DPYD: variants seen among roughly 807,000 people sequenced by gnomAD.
DPYD encodes dihydropyrimidine dehydrogenase, also known as dihydropyrimidine dehydrogenase [NADP(+)].
Under a neutral mutation model 116.2 loss-of-function variants are expected in DPYD, and 109 were observed. That is an observed-to-expected ratio of 0.94 (90% CI 0.80 to 1.10). The LOEUF (loss-of-function observed/expected upper bound fraction) is 1.10, where lower values mean the gene tolerates loss of function less well. Ranked by LOEUF, DPYD falls within the 50% of genes least tolerant of loss-of-function variation. The pLI is 0.00. For missense variants in DPYD, 1,302 were observed against 1,254.5 expected (o/e 1.04, Z -0.57); for synonymous variants, 440 against 432.0 (o/e 1.02, Z -0.23).
intron 3 of DPYD, among the ~76,000 whole-genome samples, chr1:97,807,502 T>TCA: frequency 6.6e-6 from 1 of 152,250 alleles, no homozygotes; most frequent in South Asian, 2.1e-4. Flanking sequence ...TTCTTATTGT[T>TCA]GGATTTTAGT....
chr1:97,638,260 GCA>G (rs1657682833), intron 8 of DPYD, among the ~76,000 whole-genome samples: 1 of 152,076 alleles, frequency 6.6e-6, no homozygotes, highest in Non-Finnish European at 1.5e-5. Flanking sequence ...GTCAAGAGAG[GCA>G]CACAGACATA....
At chr1:97,837,217 T>C (rs1367050869) in intron 2 of DPYD, among the ~76,000 whole-genome samples, 1 of 152,160 alleles carries the variant, frequency 6.6e-6, no homozygotes, top group Non-Finnish European at 1.5e-5. Context: ...CTTTGGCATG[T>C]AATCCTCTTT....
chr1:97,339,900 A>C (rs1255810744), intron 16 of DPYD, among the ~76,000 whole-genome samples: 2 of 152,180 alleles, frequency 1.3e-5, no homozygotes, highest in African/African-American at 4.8e-5. Flanking sequence ...AGGAAGAGGA[A>C]GTAAGGTAGA....
intron 16 of DPYD, among the ~76,000 whole-genome samples, chr1:97,313,828 C>T (rs10783059): frequency 0.62 from 94,557 of 151,664 alleles, 30,094 homozygotes; most frequent in Middle Eastern, 0.78. Context: ...CTTCTCTGTT[C>T]CATAATCAAT....
chr1:97,304,867 G>A (rs982212653), intron 18 of DPYD, among the ~76,000 whole-genome samples: 8 of 151,938 alleles, frequency 5.3e-5, no homozygotes, highest in African/African-American at 1.9e-4. Flanking sequence ...TTTGAAGAAG[G>A]TAGATGTCTA....
At chr1:97,111,366 C>T (rs1399291) in intron 20 of DPYD, among the ~76,000 whole-genome samples, 66,521 of 151,816 alleles carry the variant, frequency 0.44, 16,373 homozygotes, top group East Asian at 0.97. Context: ...TGGCCCCTGC[C>T]CACCTCTTCA....
chr1:97,469,760 T>C (rs1489701900), intron 13 of DPYD, among the ~76,000 whole-genome samples: 1 of 152,226 alleles, frequency 6.6e-6, no homozygotes, highest in Non-Finnish European at 1.5e-5. Context: ...AAAGTAATCT[T>C]ATTTTTTTAA....
At chr1:97,106,732 T>C (rs1651184384) in intron 20 of DPYD, among the ~76,000 whole-genome samples, 1 of 152,100 alleles carries the variant, frequency 6.6e-6, no homozygotes, top group Admixed American at 6.6e-5. Flanking sequence ...ACTACAAGCT[T>C]TCCTTGTTCT....
rs75188345 is a variant in DPYD at position 97,131,744 on chromosome 1, C to T, written c.2623-33112G>A. Among the ~76,000 whole-genome samples, 1,148 of 151,856 alleles carry T rather than the reference C, an allele frequency of 7.6e-3. 9 individuals are homozygous for T. The highest frequency in any genetic ancestry group is 0.012 in the Non-Finnish European group (836 of 67,942). The stretch of plus-strand genomic sequence containing the variant: ...ACTGAGGAGTTCAAAGTAGAGACTC[C>T]GAAGAATGAAGAGTGCAATACGCCA... On this transcript the variant is annotated intron_variant, in intron 20 of 22. Transcript: ENST00000370192.
At chr1:97,642,982 C>T (rs1478810886) in intron 8 of DPYD, among the ~76,000 whole-genome samples, 1 of 150,140 alleles carries the variant, frequency 6.7e-6, no homozygotes, top group East Asian at 2.0e-4. Context: ...CCATAAAAAC[C>T]CTAGAAGAAA....
intron 21 of DPYD, among the ~76,000 whole-genome samples, chr1:97,093,725 T>C (rs941802955): frequency 2.0e-4 from 30 of 152,158 alleles, no homozygotes; most frequent in African/African-American, 7.0e-4. Context: ...CTGTTAAAAT[T>C]TTACAAACTT....
intron 2 of DPYD, among the ~76,000 whole-genome samples, chr1:97,861,963 A>C (rs982112455): frequency 1.3e-5 from 2 of 151,984 alleles, no homozygotes; most frequent in Admixed American, 1.3e-4. Context: ...TGTAAATAAA[A>C]CAAAGATGTC....
At chr1:97,502,246 A>G (rs987110107) in intron 13 of DPYD, among the ~76,000 whole-genome samples, 1 of 152,100 alleles carries the variant, frequency 6.6e-6, no homozygotes, top group Admixed American at 6.6e-5. Context: ...ATAAACTTCC[A>G]TAAGTATAAA....
intron 3 of DPYD, among the ~76,000 whole-genome samples, chr1:97,806,066 G>C (rs565539534): frequency 5.5e-4 from 84 of 151,912 alleles, no homozygotes; most frequent in Non-Finnish European, 1.1e-3. Flanking sequence ...TGAAGAGCTA[G>C]ATAAATCTAC....
intron 15 of DPYD, among the ~76,000 whole-genome samples, chr1:97,382,147 T>A (rs1469963470): frequency 2.0e-5 from 3 of 152,178 alleles, no homozygotes; most frequent in Non-Finnish European, 2.9e-5. Context: ...ATTCAGAGAA[T>A]AAAGGATTTT....
At chr1:97,211,332 C>T (rs1660018476) in intron 19 of DPYD, among the ~76,000 whole-genome samples, 1 of 152,110 alleles carries the variant, frequency 6.6e-6, no homozygotes. Flanking sequence ...GACAAGGTAT[C>T]CTCCCAGTCA....
chr1:97,664,815 T>C lies in DPYD; in HGVS notation c.850+14280A>G, dbSNP rs76404093. ...ACTCTGCCACCTCAAGCTTCCAGTT[T>C]TCAGAAAAAATGACTATAAGTTGTA... On this transcript the variant is annotated intron_variant, in intron 8 of 22. Coordinates refer to ENST00000370192, the MANE Select transcript of DPYD (RefSeq NM_000110.4). Among the ~76,000 whole-genome samples the C allele has an allele frequency of 5.5e-3, 831 of 152,134 alleles. 5 individuals are homozygous for C. Among genetic ancestry groups the C allele is most frequent in the African/African-American group, 0.019 (781 of 41,516 alleles).
In DPYD at chr1:97,676,094, C is replaced by T. The variant is rs891105080; in HGVS notation, c.850+3001G>A. On this transcript the variant is annotated intron_variant, in intron 8 of 22. Transcript: ENST00000370192. ...TACCTATGTAACCAACATGTATGCA[C>T]CAGGTACTAAGAGTGTTTTCTTTGC... Among the ~76,000 whole-genome samples, 7 of 152,076 alleles carry T rather than the reference C, an allele frequency of 4.6e-5. No individual in the cohort carries two copies. In the East Asian group the frequency reaches 1.2e-3, roughly 25 times the overall value.
intron 13 of DPYD, among the ~76,000 whole-genome samples, chr1:97,496,962 C>T (rs1384060041): frequency 6.6e-6 from 1 of 151,834 alleles, no homozygotes; most frequent in Non-Finnish European, 1.5e-5. Context: ...CTATTGCCAT[C>T]CAAATGAATT....
Sources: allele counts gnomAD v4.1 joint callset (sites outside exome capture counted in the v4.1 genomes callset), GRCh38; gene constraint gnomAD v4.1.1; transcripts MANE v1.5; gene names NCBI Gene and HGNC (gene_info 2026-07-23, HGNC 2026-07-21).